EEF1G: variants seen among roughly 807,000 people sequenced by gnomAD.
The protein encoded by EEF1G is elongation factor 1-gamma.
In EEF1G, 14 loss-of-function variants were observed where a neutral mutation model predicts 58.3. The ratio of observed to expected loss-of-function variants is 0.24; its 90% CI spans 0.16 to 0.38. The LOEUF (loss-of-function observed/expected upper bound fraction) is 0.38. Among genes scored for constraint, EEF1G ranks in the 10% least tolerant of loss-of-function variants. The probability of loss-of-function intolerance (pLI) is 1.00; values close to 1 mark genes in which losing one functional copy is unlikely to be tolerated. For missense variants in EEF1G, 322 were observed against 550.1 expected (o/e 0.59, Z 4.15); for synonymous variants, 180 against 206.8 (o/e 0.87, Z 1.11).
At chr11:62,572,038 CATAA>C (rs781755930) in intron 2 of EEF1G, 137 bp from the exon 3 acceptor site, 113 of 752,724 alleles carry the variant, frequency 1.5e-4, no homozygotes, top group Non-Finnish European at 2.2e-4. Flanking sequence ...ACTCAAGAAC[CATAA>C]ATAAATACTT....
chr11:62,561,730 CAT>C (rs1321157884), intron 7 of EEF1G, among the ~76,000 whole-genome samples: 8 of 149,148 alleles, frequency 5.4e-5, no homozygotes, highest in African/African-American at 2.0e-4. Context: ...TGTGTGCATA[CAT>C]GTGTTAAATG....
rs58533891 is a variant in EEF1G, at chr11:62,569,085, G to GCA, written c.523-1559_523-1558dup. Among the ~76,000 whole-genome samples, 197 of 149,296 alleles carry GCA rather than the reference G, an allele frequency of 1.3e-3. 1 individual carries two copies. The highest frequency in any genetic ancestry group is 4.1e-3 in the East Asian group (21 of 5,092). Reference sequence around the variant, plus strand: ...TATATTGGCCATACTATACACACACGCACACACACACACACACCCCCCACA... The same window carrying GCA: ...TATATTGGCCATACTATACACACACGCACACACACACACACACACCCCCCACA... On this transcript the variant is annotated intron_variant, in intron 5 of 9. Coordinates refer to ENST00000329251, the MANE Select transcript of EEF1G (RefSeq NM_001404.5).
rs888723551 is a variant in EEF1G at position 62,565,386 on chromosome 11, CA to C, written c.857+1419del. On this transcript the variant is annotated intron_variant, in intron 7 of 9. Transcript: ENST00000329251. ...GGACAACAAAGTAAAACCCTGTTTC[CA>C]AAAAAAAAAACCTTGGGGAAAGCAT... is the stretch of plus-strand genomic sequence containing the variant. Among the ~76,000 whole-genome samples the C allele has an allele frequency of 3.5e-4, 48 of 137,254 alleles. 1 individual carries two copies. Among genetic ancestry groups the C allele is most frequent in the South Asian group, 2.3e-4 (1 of 4,302 alleles). 90.0% of individuals were successfully genotyped at this position (137,254 alleles called of 152,430 possible).
intron 7 of EEF1G, among the ~76,000 whole-genome samples, chr11:62,562,472 G>A (rs924817981): frequency 2.6e-5 from 4 of 151,974 alleles, no homozygotes; most frequent in African/African-American, 4.8e-5. Context: ...CCAACAAGAG[G>A]ATAATCTTTT....
chr11:62,561,327 A>G (rs541415376), intron 7 of EEF1G, among the ~76,000 whole-genome samples: 1 of 151,888 alleles, frequency 6.6e-6, no homozygotes, highest in Admixed American at 6.6e-5. Context: ...TGCAGTGAGC[A>G]GAGATCGCGC....
chr11:62,571,165 C>T, intron 4 of EEF1G, 57 bp from the exon 5 acceptor site: 3 of 1,610,836 alleles, frequency 1.9e-6, no homozygotes, highest in East Asian at 2.2e-5. Context: ...TCCCTCACCT[C>T]CCCCATTAAT....
chr11:62,562,586 A>T (rs1365856150), intron 7 of EEF1G, among the ~76,000 whole-genome samples: 1 of 152,012 alleles, frequency 6.6e-6, no homozygotes, highest in Non-Finnish European at 1.5e-5. Flanking sequence ...GGTTCAAGCG[A>T]TTCTCCTGCC....
At position 62,571,923 on chromosome 11, in the gene EEF1G, G is replaced by A. The variant is rs933188945; in HGVS notation, c.172-22C>T. 2.6e-6 allele frequency: 4 copies of A among 1,560,778 alleles called. No individual in the cohort carries two copies. The East Asian group carries it at 9.5e-5, about 37-fold the overall frequency. On this transcript the variant is annotated intron_variant, in intron 2 of 9. Transcript: ENST00000329251. ...GGACCTGGGGACAAAGCAGTGAAAA[G>A]ATAAGGTAAAACACACAAAATTTCT...
chr11:62,573,758 G>T, intron 1 of EEF1G, 73 bp downstream of exon 1: 2 of 1,604,914 alleles, frequency 1.2e-6, no homozygotes, highest in Non-Finnish European at 1.7e-6. Context: ...CTCCTCTGGC[G>T]CCGACTGGCC....
chr11:62,567,348 C>G, intron 6 of EEF1G, 51 bp downstream of exon 6: 1 of 1,560,108 alleles, frequency 6.4e-7, no homozygotes, highest in South Asian at 1.2e-5. Flanking sequence ...TGATGCAGAG[C>G]AAACCAGACC....
rs761701687 is a variant in EEF1G at position 62,572,785 on chromosome 11, C to G, written c.13-43G>C. On this transcript the variant is annotated intron_variant, in intron 1 of 9. Coordinates refer to ENST00000329251, the MANE Select transcript of EEF1G (RefSeq NM_001404.5). ...GGACAAAATTAATGAGTAGAAGGGTCCCAGTCCTTAATGCCACTCTCCAGG... is the reference window on the plus strand; with the variant it reads ...GGACAAAATTAATGAGTAGAAGGGTGCCAGTCCTTAATGCCACTCTCCAGG... 6.4e-6 allele frequency: 10 copies of G among 1,565,302 alleles called. No homozygotes were observed. The Admixed American group carries it at 1.6e-4, about 25-fold the overall frequency.
At chr11:62,561,541 A>T (rs1941493773) in intron 7 of EEF1G, among the ~76,000 whole-genome samples, 2 of 149,944 alleles carry the variant, frequency 1.3e-5, no homozygotes, top group South Asian at 4.3e-4. Context: ...TTGGTGGCAC[A>T]CGCCTGTAGT....
intron 5 of EEF1G, 120 bp downstream of exon 5, chr11:62,570,845 T>C: frequency 2.9e-6 from 4 of 1,392,186 alleles, no homozygotes; most frequent in East Asian, 2.3e-5. Flanking sequence ...CATGAGCCAC[T>C]GCACCCACCT....
At chr11:62,564,758 CAAA>C (rs34663205) in intron 7 of EEF1G, among the ~76,000 whole-genome samples, 9 of 75,052 alleles carry the variant, frequency 1.2e-4, no homozygotes, top group Non-Finnish European at 1.9e-4. Context: ...GACTCCATCT[CAAA>C]AAAAAAAAAA....
At chr11:62,570,825 GGA>G in intron 5 of EEF1G, 138 bp downstream of exon 5, 1 of 1,180,418 alleles carries the variant, frequency 8.5e-7, no homozygotes, top group Non-Finnish European at 1.2e-6. Context: ...CAGTGTGCTC[GGA>G]TTACAGGCAT....
rs1235761626 is a variant in EEF1G, at chr11:62,571,892, A to C, written c.181T>G (p.Phe61Val). 1 of 1,579,916 alleles carries C rather than the reference A, an allele frequency of 6.3e-7. No homozygotes were observed. Among genetic ancestry groups the C allele is most frequent in the Non-Finnish European group, 8.6e-7 (1 of 1,162,736 alleles). ...ACACAGAATCCATCATCACCCTCAA[A>C]TGCTGGGACCTGGGGACAAAGCAGT... ...RKFPAGKVPAFEGDDGFCVFE... is the reference protein window; with the variant it reads ...RKFPAGKVPAVEGDDGFCVFE... Residue 61 changes from phenylalanine to valine, a missense_variant, in exon 3 of 10, where the codon TTT (phenylalanine) becomes GTT (valine). Phe to Val is a conservative substitution (Grantham distance 50). Coordinates refer to ENST00000329251, the MANE Select transcript of EEF1G (RefSeq NM_001404.5).
chr11:62,561,116 T>C (rs1941489275), intron 7 of EEF1G, among the ~76,000 whole-genome samples: 2 of 152,152 alleles, frequency 1.3e-5, no homozygotes, highest in Non-Finnish European at 2.9e-5. Context: ...GTTATAAACA[T>C]ATACACTGGC....
Position 62,560,472 on chromosome 11 carries a change from C to G in EEF1G, c.858-18G>C. 6.2e-7 allele frequency: 1 copy of G among 1,606,144 alleles called. No individual in the cohort carries two copies. Among genetic ancestry groups the G allele is most frequent in the Non-Finnish European group, 8.5e-7 (1 of 1,175,976 alleles). Reference sequence around the variant, plus strand: ...CAAAGGTACTAAGAGGAAGAAAGCACAGGGGTCAATCAATAAGGAGGAAGG... The same window carrying G: ...CAAAGGTACTAAGAGGAAGAAAGCAGAGGGGTCAATCAATAAGGAGGAAGG... On this transcript the variant is annotated intron_variant, in intron 7 of 9. Coordinates refer to ENST00000329251, the MANE Select transcript of EEF1G (RefSeq NM_001404.5).
intron 2 of EEF1G, 118 bp downstream of exon 2, chr11:62,572,466 A>T (rs1220598913): frequency 7.4e-7 from 1 of 1,351,370 alleles, no homozygotes; most frequent in African/African-American, 1.5e-5. Flanking sequence ...AAATCACCGA[A>T]ATTGAATAAA....
Sources: allele counts gnomAD v4.1 joint callset (sites outside exome capture counted in the v4.1 genomes callset), GRCh38; gene constraint gnomAD v4.1.1; transcripts MANE v1.5; gene names NCBI Gene and HGNC (gene_info 2026-07-23, HGNC 2026-07-21).